The following PKN3 variants were observed in gnomAD, a reference collection of about 807,000 sequenced individuals.
PKN3 encodes protein kinase N3.
A neutral mutation model predicts 113.1 loss-of-function variants in PKN3; 91 were observed. That is an observed-to-expected ratio of 0.80 (90% confidence interval 0.68 to 0.96). PKN3 has a LOEUF of 0.96. Among genes scored for constraint, PKN3 ranks in the 40% least tolerant of loss-of-function variants. The probability of loss-of-function intolerance (pLI) is 0.00; values close to 1 mark genes in which losing one functional copy is unlikely to be tolerated. For synonymous variants in PKN3, 467 were observed against 499.0 expected, an observed-to-expected ratio of 0.94 and a Z score of 0.85; for missense variants, 1,052 against 1,202.2, an observed-to-expected ratio of 0.88 and a Z score of 1.85.
intron 18 of PKN3, 93 bp from the exon 19 acceptor site, chr9:128,719,593 A>G: frequency 1.5e-6 from 2 of 1,324,408 alleles, no homozygotes; most frequent in Admixed American, 4.6e-5. Flanking sequence ...GGCTTGGCAC[A>G]GGCTCAGCTC....
intron 3 of PKN3, 107 bp downstream of exon 3, chr9:128,705,986 T>A: frequency 8.5e-7 from 1 of 1,181,544 alleles, no homozygotes; most frequent in Non-Finnish European, 1.2e-6. Flanking sequence ...GCCTGCAGCC[T>A]GATGGGGAAA....
intron 1 of PKN3, chr9:128,704,123 CAGAG>C: frequency 2.0e-6 from 2 of 985,370 alleles, no homozygotes; most frequent in Non-Finnish European, 1.2e-6. Flanking sequence ...AGATGGAACA[CAGAG>C]AGGTAAGATG....
chr9:128,720,209 CAGAAGTGCCCGG>C lies in PKN3; in HGVS notation c.2389_2400del (p.Cys797_Lys800del). 6.2e-7 allele frequency: 1 copy of C among 1,613,614 alleles called. No individual in the cohort carries two copies. The highest frequency in any genetic ancestry group is 8.5e-7 in the Non-Finnish European group (1 of 1,179,936). ...CGCCTGTCCTATTGCCCAGCTCCTCCAGAAGTGCCCGGAGAAGCGCCTCGGGGCAGGTGAGCA... is the reference window on the plus strand; with the variant it reads ...CGCCTGTCCTATTGCCCAGCTCCTCCAGAAGCGCCTCGGGGCAGGTGAGCA... On this transcript the variant is annotated inframe_deletion, in exon 21 of 22. Coordinates refer to ENST00000291906, the MANE Select transcript of PKN3 (RefSeq NM_013355.5). This position sits in a 1 kb window ranked among gnomAD's most constrained non-coding sequence, Gnocchi z 5.5.
chr9:128,710,195 T>C (rs927380842), intron 6 of PKN3, among the ~76,000 whole-genome samples: 5 of 151,982 alleles, frequency 3.3e-5, no homozygotes, highest in African/African-American at 1.2e-4. Context: ...CCTCCCAAAG[T>C]GCTGGGACAG....
chr9:128,719,795 G>T lies in PKN3; in HGVS notation c.2235G>T (p.Leu745=). 1.2e-6 allele frequency: 2 copies of T among 1,608,398 alleles called. No homozygotes were observed. The highest frequency in any genetic ancestry group is 1.7e-6 in the Non-Finnish European group (2 of 1,176,604). ...AYTRAVDWWG[L]GVLLYEMLVG... is the part of the protein sequence containing the mutation. Reference sequence around the variant, plus strand: ...CACGGGCTGTGGACTGGTGGGGGCTGGGTGTGCTGCTCTACGAGATGCTGG... The same window carrying T: ...CACGGGCTGTGGACTGGTGGGGGCTTGGTGTGCTGCTCTACGAGATGCTGG... The change falls in exon 19 of 22, where the codon CTG becomes CTT. Residue 745 remains leucine (L), a synonymous_variant. Coordinates refer to ENST00000291906, the MANE Select transcript of PKN3 (RefSeq NM_013355.5).
chr9:128,712,800 C>T (rs1269379192), intron 6 of PKN3, among the ~76,000 whole-genome samples: 4 of 152,044 alleles, frequency 2.6e-5, no homozygotes, highest in African/African-American at 7.2e-5. Flanking sequence ...AGGGTGTCAT[C>T]GGGGTCCAAG....
intron 15 of PKN3, 91 bp from the exon 16 acceptor site, chr9:128,716,656 G>C (rs1439078773): frequency 1.5e-5 from 15 of 997,408 alleles, no homozygotes; most frequent in Non-Finnish European, 2.3e-5. Context: ...CTTTGGCTGA[G>C]GGCCCAGTGA....
intron 1 of PKN3, chr9:128,703,801 C>T: frequency 1.0e-5 from 10 of 985,410 alleles, no homozygotes; most frequent in Non-Finnish European, 1.2e-5. Context: ...CGGTCTGCCC[C>T]CTCCCACCCC....
chr9:128,715,443 C>G lies in PKN3; in HGVS notation c.1791C>G (p.Ser597Arg), dbSNP rs1862311578. The change falls in exon 15 of 22, where the codon AGC becomes AGG. Residue 597 changes from serine to arginine, a missense_variant. Transcript: ENST00000291906. The surrounding 1 kb of genome is among the most constrained non-coding windows in gnomAD (Gnocchi z 4.1). Reference protein sequence around the residue: ...IKALKKQEVLSRDEIESLYCE... With the variant: ...IKALKKQEVLRRDEIESLYCE... Reference sequence around the variant, plus strand: ...CACTGAAGAAGCAGGAGGTGCTCAGCCGGGACGAGATAGAGAGGTGTGTGG... The same window carrying G: ...CACTGAAGAAGCAGGAGGTGCTCAGGCGGGACGAGATAGAGAGGTGTGTGG... 1 of 1,613,608 alleles carries G rather than the reference C, an allele frequency of 6.2e-7. No individual in the cohort carries two copies. The highest frequency in any genetic ancestry group is 1.3e-5 in the African/African-American group (1 of 75,024).
At chr9:128,718,252 A>G in intron 16 of PKN3, 73 bp from the exon 17 acceptor site, 2 of 1,206,896 alleles carry the variant, frequency 1.7e-6, no homozygotes, top group Non-Finnish European at 1.2e-6. Context: ...CGCTATGGCC[A>G]TCCTGGTGCC....
rs746666401 is a variant in PKN3, at chr9:128,707,396, G to T, written c.826G>T (p.Ala276Ser). The change falls in exon 6 of 22, where the codon GCC becomes TCC. Residue 276 changes from alanine (A) to serine (S), a missense_variant. Ala to Ser is a moderately conservative substitution (Grantham distance 99). Transcript: ENST00000291906. ...QPSGTPVKPT[A>S]LTGTLQVRLL... is the part of the protein sequence containing the mutation. ...TTCAGGGACACCTGTGAAGCCCACCGCCCTAACAGGTAGTCAGAAGTTCCT... is the reference window on the plus strand; with the variant it reads ...TTCAGGGACACCTGTGAAGCCCACCTCCCTAACAGGTAGTCAGAAGTTCCT... The T allele has an allele frequency of 1.2e-6, 2 of 1,603,234 alleles. No homozygotes were observed. Among genetic ancestry groups the T allele is most frequent in the Non-Finnish European group, 1.7e-6 (2 of 1,174,162 alleles).
Position 128,715,278 on chromosome 9 carries a change from T to C in PKN3, c.1716+43T>C, listed in dbSNP as rs766734998. The C allele has an allele frequency of 1.2e-6, 2 of 1,608,990 alleles. No homozygotes were observed. Among genetic ancestry groups the C allele is most frequent in the Admixed American group, 3.3e-5 (2 of 59,986 alleles). The stretch of plus-strand genomic sequence containing the variant: ...GTGGTATGGGACGGGATTGGGGGCC[T>C]CATCACATGAGCCGGGAGGACCTGA... On this transcript the variant is annotated intron_variant, in intron 14 of 21. Coordinates refer to ENST00000291906, the MANE Select transcript of PKN3 (RefSeq NM_013355.5). The surrounding 1 kb of genome is among the most constrained non-coding windows in gnomAD (Gnocchi z 4.1).
intron 6 of PKN3, among the ~76,000 whole-genome samples, chr9:128,708,704 G>A (rs952774261): frequency 1.1e-4 from 16 of 151,904 alleles, no homozygotes; most frequent in East Asian, 1.9e-4. Flanking sequence ...TTAGCCGGGC[G>A]TGGTGGCGCA....
rs147211133 is a variant in PKN3, at chr9:128,707,938, G to A, written c.835+533G>A. Among the ~76,000 whole-genome samples the A allele has an allele frequency of 3.2e-3, 493 of 151,842 alleles. 2 individuals are homozygous for A. Among genetic ancestry groups the A allele is most frequent in the Non-Finnish European group, 5.2e-3 (350 of 67,954 alleles). On this transcript the variant is annotated intron_variant, in intron 6 of 21. Coordinates refer to ENST00000291906, the MANE Select transcript of PKN3 (RefSeq NM_013355.5). ...AATACAAAAATTAGCCGGGCGTGGT[G>A]GCGGGTGCCTGTAATCCTGGTTGCT...
intron 6 of PKN3, among the ~76,000 whole-genome samples, chr9:128,707,676 T>A (rs1564371344): frequency 1.3e-5 from 2 of 152,260 alleles, no homozygotes; most frequent in Non-Finnish European, 2.9e-5. Context: ...ACAGCGTAGC[T>A]TGTATTTACA....
rs1862234260 is a variant in PKN3 at position 128,713,295 on chromosome 9, C to A, written c.1000C>A (p.Leu334Ile). 6.2e-7 allele frequency: 1 copy of A among 1,614,038 alleles called. No homozygotes were observed. Among genetic ancestry groups the A allele is most frequent in the South Asian group, 1.1e-5 (1 of 91,052 alleles). ...GELASEVLAV[L>I]KVDNRVVGQT... ...CCCTGCAGGCGAGGTGCTGGCTGTG[C>A]TAAAGGTGGACAACCGTGTTGTGGG... The change falls in exon 8 of 22, where the codon CTA (leucine) becomes ATA (isoleucine). Residue 334 changes from leucine (L) to isoleucine (I), a missense_variant. Around this residue, in one of 2 missense-constraint regions of PKN3, gnomAD observed 719 missense variants for 759.4 expected, o/e 0.95. Coordinates refer to ENST00000291906, the MANE Select transcript of PKN3 (RefSeq NM_013355.5).
chr9:128,710,310 G>C (rs1862140145), intron 6 of PKN3, among the ~76,000 whole-genome samples: 1 of 151,772 alleles, frequency 6.6e-6, no homozygotes, highest in South Asian at 2.1e-4. Flanking sequence ...TAATCTGAGA[G>C]CATGGGCTTT....
chr9:128,715,597 G>A lies in PKN3; in HGVS notation c.1808+137G>A. Reference sequence around the variant, plus strand: ...CCTGCATTCTCTTTTGGCACCTGCAGTTGTTAACTGTGTTTCCTTGGGCAG... The same window carrying A: ...CCTGCATTCTCTTTTGGCACCTGCAATTGTTAACTGTGTTTCCTTGGGCAG... On this transcript the variant is annotated intron_variant, in intron 15 of 21. Transcript: ENST00000291906. This position sits in a 1 kb window ranked among gnomAD's most constrained non-coding sequence, Gnocchi z 4.1. 1 of 630,660 alleles carries A rather than the reference G, an allele frequency of 1.6e-6. No homozygotes were observed. 39.1% of individuals were successfully genotyped at this position (630,660 alleles called of 1,614,324 possible). A position where few individuals can be genotyped will look rare whatever the true frequency, so the allele number is the denominator to read the frequency against.
At chr9:128,706,600 G>C in intron 3 of PKN3, 113 bp from the exon 4 acceptor site, 1 of 790,048 alleles carries the variant, frequency 1.3e-6, no homozygotes, top group Non-Finnish European at 2.0e-6. Context: ...GTTTGGCCTA[G>C]AGGTTTCACT....
Sources: allele counts gnomAD v4.1 joint callset (sites outside exome capture counted in the v4.1 genomes callset), GRCh38; gene constraint gnomAD v4.1.1; regional missense constraint gnomAD v4.1.1; non-coding constraint Gnocchi (gnomAD v3.1); transcripts MANE v1.5; gene names NCBI Gene and HGNC (gene_info 2026-07-23, HGNC 2026-07-21).